Variants in RSU1 observed in about 807,000 individuals in gnomAD.
The protein encoded by RSU1 is rsu-1.
RSU1 carries 26 observed loss-of-function variants against 31.1 expected under a neutral mutation model. That is an observed-to-expected ratio of 0.84 (90% CI 0.61 to 1.16). The LOEUF (loss-of-function observed/expected upper bound fraction) is 1.16. RSU1 is among the 50% of genes most tolerant of loss of function. RSU1 has a pLI of 0.00. For synonymous variants in RSU1, 164 were observed against 136.3 expected, an observed-to-expected ratio of 1.20 and a Z score of -1.41; for missense variants, 320 against 339.1, an observed-to-expected ratio of 0.94 and a Z score of 0.44.
At chr10:16,737,447 C>G (rs536249777) in intron 7 of RSU1, among the ~76,000 whole-genome samples, 1 of 151,442 alleles carries the variant, frequency 6.6e-6, no homozygotes, top group Non-Finnish European at 1.5e-5. Flanking sequence ...ACCCTTGAAG[C>G]AAGGTAGAAG....
intron 8 of RSU1, among the ~76,000 whole-genome samples, chr10:16,682,535 T>TACACACACACAC (rs68128821): frequency 1.9e-4 from 5 of 26,506 alleles, no homozygotes; most frequent in South Asian, 1.9e-3. Flanking sequence ...AAATCATTCA[T>TACACACACACAC]ACACACACAC....
intron 7 of RSU1, among the ~76,000 whole-genome samples, chr10:16,695,723 C>T (rs1835661191): frequency 6.6e-6 from 1 of 152,204 alleles, no homozygotes; most frequent in Non-Finnish European, 1.5e-5. Flanking sequence ...AATCATTCCT[C>T]ATTTCATTCT....
chr10:16,697,873 A>C (rs1481378580), intron 7 of RSU1, among the ~76,000 whole-genome samples: 2 of 151,854 alleles, frequency 1.3e-5, no homozygotes, highest in Non-Finnish European at 2.9e-5. Flanking sequence ...ATATAGTCGG[A>C]ACTTCTAGTT....
chr10:16,618,193 G>T (rs1402792225), intron 8 of RSU1, among the ~76,000 whole-genome samples: 1 of 152,154 alleles, frequency 6.6e-6, no homozygotes, highest in Non-Finnish European at 1.5e-5. Flanking sequence ...CTTCTCAAAA[G>T]AAGACATTTA....
chr10:16,654,786 T>C (rs961049827), intron 8 of RSU1, among the ~76,000 whole-genome samples: 1 of 151,650 alleles, frequency 6.6e-6, no homozygotes, highest in Non-Finnish European at 1.5e-5. Context: ...GGGCCCAGCA[T>C]AGTGGCTCAT....
intron 7 of RSU1, among the ~76,000 whole-genome samples, chr10:16,701,004 TAA>T (rs1355256858): frequency 6.6e-6 from 1 of 152,174 alleles, no homozygotes; most frequent in Non-Finnish European, 1.5e-5. Flanking sequence ...AAGAAAAGGA[TAA>T]TATTAAGTTT....
chr10:16,800,352 C>T (rs572604213), intron 2 of RSU1, among the ~76,000 whole-genome samples: 1 of 152,120 alleles, frequency 6.6e-6, no homozygotes, highest in African/African-American at 2.4e-5. Context: ...AGACAACATG[C>T]AAGAAAAGAT....
chr10:16,795,770 T>C (rs1287273402), intron 2 of RSU1, among the ~76,000 whole-genome samples: 1 of 152,190 alleles, frequency 6.6e-6, no homozygotes, highest in Non-Finnish European at 1.5e-5. Flanking sequence ...AGTTAAGACA[T>C]GAGCAGTATT....
chr10:16,623,707 C>T (rs114049189), intron 8 of RSU1, among the ~76,000 whole-genome samples: 2,993 of 152,250 alleles, frequency 0.02, 71 homozygotes, highest in African/African-American at 0.061. Flanking sequence ...ATTTTAATAA[C>T]AGCCATTCTG....
intron 2 of RSU1, among the ~76,000 whole-genome samples, chr10:16,813,594 G>C (rs553755243): frequency 6.6e-6 from 1 of 152,152 alleles, no homozygotes; most frequent in Non-Finnish European, 1.5e-5. Flanking sequence ...TGGTTTCTTA[G>C]GCTACCAATT....
rs1320487900 is a variant in RSU1 at position 16,641,660 on chromosome 10, C to G, written c.732-48164G>C. 2.0e-5 allele frequency among the ~76,000 whole-genome samples: 3 copies of G among 152,144 alleles called. No individual in the cohort carries two copies. The South Asian group carries it at 6.2e-4, about 32-fold the overall frequency. On this transcript the variant is annotated intron_variant, in intron 8 of 8. Transcript: ENST00000345264. Reference sequence around the variant, plus strand: ...AAACTCTCAGGCCAGATTTCCATTGCCAACAACAGCCCCTGCCTTCCCAGA... The same window carrying G: ...AAACTCTCAGGCCAGATTTCCATTGGCAACAACAGCCCCTGCCTTCCCAGA...
chr10:16,606,383 G>A (rs977911629), intron 8 of RSU1, among the ~76,000 whole-genome samples: 5 of 152,102 alleles, frequency 3.3e-5, no homozygotes, highest in African/African-American at 9.7e-5. Flanking sequence ...AGTGATCTCA[G>A]ACTCCTGAGT....
intron 8 of RSU1, among the ~76,000 whole-genome samples, chr10:16,660,822 T>G (rs1304414111): frequency 6.6e-6 from 1 of 151,754 alleles, no homozygotes; most frequent in Non-Finnish European, 1.5e-5. Context: ...AATTTTTGTA[T>G]TTTTAGTAGA....
chr10:16,709,796 T>C (rs1281770912), intron 7 of RSU1, among the ~76,000 whole-genome samples: 1 of 152,212 alleles, frequency 6.6e-6, no homozygotes, highest in Non-Finnish European at 1.5e-5. Context: ...AATGTCTTCT[T>C]TTGAGAAGTG....
intron 8 of RSU1, among the ~76,000 whole-genome samples, chr10:16,657,452 G>A (rs564763516): frequency 6.6e-6 from 1 of 150,746 alleles, no homozygotes; most frequent in South Asian, 2.1e-4. Context: ...AATATGATCA[G>A]TGCAGTTATT....
At chr10:16,737,110 C>G (rs1018031380) in intron 7 of RSU1, among the ~76,000 whole-genome samples, 2 of 151,540 alleles carry the variant, frequency 1.3e-5, no homozygotes, top group Non-Finnish European at 2.9e-5. Flanking sequence ...ATCAAGTGAT[C>G]TAACACAAGA....
At chr10:16,664,986 C>T (rs1214395321) in intron 8 of RSU1, among the ~76,000 whole-genome samples, 2 of 152,092 alleles carry the variant, frequency 1.3e-5, no homozygotes, top group Admixed American at 1.3e-4. Context: ...CTCTGTCGCC[C>T]AGGCTGGAAT....
intron 8 of RSU1, among the ~76,000 whole-genome samples, chr10:16,633,011 T>C (rs1355491325): frequency 6.6e-6 from 1 of 152,172 alleles, no homozygotes; most frequent in African/African-American, 2.4e-5. Context: ...CTATTTATGG[T>C]ACCTTTAGAC....
intron 7 of RSU1, among the ~76,000 whole-genome samples, chr10:16,726,265 A>ATT: frequency 7.2e-6 from 1 of 138,694 alleles, no homozygotes; most frequent in African/African-American, 3.2e-5. Context: ...TTAGGAACGT[A>ATT]TCTTTTTTTT....
Sources: allele counts gnomAD v4.1 joint callset (sites outside exome capture counted in the v4.1 genomes callset), GRCh38; gene constraint gnomAD v4.1.1; transcripts MANE v1.5; gene names NCBI Gene and HGNC (gene_info 2026-07-23, HGNC 2026-07-21).